TK1: variants seen among roughly 807,000 people sequenced by gnomAD.
TK1 encodes the protein thymidine kinase, cytosolic.
In TK1, 13 loss-of-function variants were observed where a neutral mutation model predicts 22.4. That is an observed-to-expected ratio of 0.58 (90% CI 0.38 to 0.92). The LOEUF (loss-of-function observed/expected upper bound fraction) is 0.92, where lower values mean the gene tolerates loss of function less well. TK1 is among the 40% of genes least tolerant of loss of function. TK1 has a pLI of 0.00. For synonymous variants in TK1, 134 were observed against 125.4 expected (o/e 1.07, Z -0.46); for missense variants, 251 against 315.7 (o/e 0.80, Z 1.55).
chr17:78,175,306 C>T, intron 5 of TK1, 137 bp from the exon 6 acceptor site: 1 of 1,306,944 alleles, frequency 7.7e-7, no homozygotes, highest in South Asian at 1.5e-5. Flanking sequence ...CCCAGAGCAC[C>T]ATGCCCGGCT....
At chr17:78,185,667 G>A (rs2075780850) in intron 2 of TK1, among the ~76,000 whole-genome samples, 1 of 152,092 alleles carries the variant, frequency 6.6e-6, no homozygotes, top group African/African-American at 2.4e-5. Flanking sequence ...TGGGATTACA[G>A]GAGGCTGCCA....
chr17:78,182,919 C>T (rs1030838255), intron 3 of TK1, among the ~76,000 whole-genome samples: 4 of 152,076 alleles, frequency 2.6e-5, no homozygotes, highest in Admixed American at 1.3e-4. Flanking sequence ...AGTGCAGTGG[C>T]GCCATCTCGG....
At chr17:78,176,726 G>A (rs1053421631) in intron 4 of TK1, among the ~76,000 whole-genome samples, 40 of 152,090 alleles carry the variant, frequency 2.6e-4, no homozygotes, top group Non-Finnish European at 1.0e-4. Context: ...CCAGGGGCGC[G>A]CCCCCTGGAG....
intron 2 of TK1, 23 bp from the exon 3 acceptor site, chr17:78,185,188 G>A: frequency 6.2e-7 from 1 of 1,601,024 alleles, no homozygotes; most frequent in Non-Finnish European, 8.6e-7. Context: ...AGAGGGTCAG[G>A]TGAGGTCCAC....
In TK1 at chr17:78,187,004, G is replaced by A. The variant is rs759916205; in HGVS notation, c.-10C>T. 1 of 1,587,062 alleles carries A rather than the reference G, an allele frequency of 6.3e-7. No individual in the cohort carries two copies. Among genetic ancestry groups the A allele is most frequent in the Non-Finnish European group, 8.6e-7 (1 of 1,167,322 alleles). On this transcript the variant is annotated 5_prime_UTR_variant, in exon 1 of 7. Transcript: ENST00000301634. ...GGTTAATGCAGCTCATTGCGCCTCC[G>A]GGAAGTTCACGAACCCGAGTACTCT...
rs2075689039 is a variant in TK1 at position 78,175,140 on chromosome 17, C to T, written c.423G>A (p.Pro141=). The change falls in exon 6 of 7, where the codon CCG becomes CCA. Residue 141 remains proline (P), a synonymous_variant. Coordinates refer to ENST00000301634, the MANE Select transcript of TK1 (RefSeq NM_003258.5). ...KPFGAILNLV[P]LAESVVKLTA... Reference sequence around the variant, plus strand: ...TCAGCTTCACCACGCTCTCGGCCAGCGGCACCAGGTTCAGGATGGCCCCAA... The same window carrying T: ...TCAGCTTCACCACGCTCTCGGCCAGTGGCACCAGGTTCAGGATGGCCCCAA... The T allele has an allele frequency of 4.3e-6, 7 of 1,613,184 alleles. No individual in the cohort carries two copies. Among genetic ancestry groups the T allele is most frequent in the East Asian group, 2.2e-5 (1 of 44,846 alleles).
intron 2 of TK1, 117 bp downstream of exon 2, chr17:78,186,670 A>AAGGGGAGGGAAGGGAAGGGG (rs2075798845): frequency 3.6e-6 from 3 of 832,590 alleles, no homozygotes; most frequent in African/African-American, 3.2e-5. Context: ...AGGGGAAGGG[A>AAGGGGAGGGAAGGGAAGGGG]AGGGGAGGGA....
chr17:78,177,660 G>A (rs1179608123), intron 4 of TK1, among the ~76,000 whole-genome samples: 3 of 150,340 alleles, frequency 2.0e-5, no homozygotes, highest in Admixed American at 6.6e-5. Context: ...TGCAAGCTCC[G>A]CCTCCTGGGT....
intron 4 of TK1, 79 bp from the exon 5 acceptor site, chr17:78,175,697 C>G (rs2075694055): frequency 2.3e-6 from 3 of 1,287,096 alleles, no homozygotes; most frequent in South Asian, 2.5e-5. Flanking sequence ...GAAGACGCTG[C>G]CAGATCTGAC....
At chr17:78,175,904 G>GT (rs988830350) in intron 4 of TK1, among the ~76,000 whole-genome samples, 4 of 152,200 alleles carry the variant, frequency 2.6e-5, no homozygotes, top group African/African-American at 7.2e-5. Flanking sequence ...CAGCTGTGCT[G>GT]TTTAACACTG....
At chr17:78,184,087 C>T (rs932563470) in intron 3 of TK1, among the ~76,000 whole-genome samples, 1 of 152,242 alleles carries the variant, frequency 6.6e-6, no homozygotes, top group Non-Finnish European at 1.5e-5. Flanking sequence ...CCACCCTGTG[C>T]CGTGGACATC....
intron 2 of TK1, among the ~76,000 whole-genome samples, chr17:78,186,432 C>T (rs1241594491): frequency 6.6e-6 from 1 of 151,852 alleles, no homozygotes; most frequent in African/African-American, 2.4e-5. Context: ...TAGGGGTGTA[C>T]AAAAAGGCCT....
chr17:78,178,683 G>A (rs988371671), intron 4 of TK1, among the ~76,000 whole-genome samples: 1 of 152,158 alleles, frequency 6.6e-6, no homozygotes, highest in East Asian at 1.9e-4. Context: ...TCTTGTTGTT[G>A]CCCAGGCTTG....
intron 4 of TK1, among the ~76,000 whole-genome samples, chr17:78,176,606 G>T (rs2075701637): frequency 6.6e-6 from 1 of 152,088 alleles, no homozygotes; most frequent in African/African-American, 2.4e-5. Flanking sequence ...GCACGCCAGG[G>T]CCCCTCCCCA....
intron 4 of TK1, chr17:78,179,651 C>T: frequency 1.0e-6 from 1 of 985,394 alleles, no homozygotes; most frequent in Non-Finnish European, 1.2e-6. Context: ...GGGGACAGGC[C>T]CTGTGACGTC....
At position 78,187,050 on chromosome 17, in the gene TK1, G is replaced by T. The variant is rs372949872; in HGVS notation, c.-56C>A. On this transcript the variant is annotated 5_prime_UTR_variant, in exon 1 of 7. Coordinates refer to ENST00000301634, the MANE Select transcript of TK1 (RefSeq NM_003258.5). ...ACTCTCCAAGGCCGTCCCGCAGTAA[G>T]CCCCTGGTTCCCGCGCCGACCGCTT... is the stretch of plus-strand genomic sequence containing the variant. 2.1e-5 allele frequency: 33 copies of T among 1,555,086 alleles called. No individual in the cohort carries two copies. Among genetic ancestry groups the T allele is most frequent in the Non-Finnish European group, 2.9e-5 (33 of 1,138,260 alleles).
chr17:78,182,937 C>T (rs536777429), intron 3 of TK1, among the ~76,000 whole-genome samples: 2 of 152,306 alleles, frequency 1.3e-5, no homozygotes, highest in African/African-American at 2.4e-5. Context: ...CGGCTCCCTG[C>T]AATCTCTACC....
chr17:78,185,034 C>T, intron 3 of TK1, 21 bp downstream of exon 3: 1 of 1,601,990 alleles, frequency 6.2e-7, no homozygotes, highest in Non-Finnish European at 8.5e-7. Context: ...CTGGACAGGA[C>T]TGCAGGGGGC....
At chr17:78,185,775 G>A (rs978497530) in intron 2 of TK1, among the ~76,000 whole-genome samples, 2 of 151,960 alleles carry the variant, frequency 1.3e-5, no homozygotes, top group Non-Finnish European at 2.9e-5. Context: ...AGTGATCAAC[G>A]CACCTCAGCC....
Sources: gnomAD v4.1 joint callset for allele counts (sites outside exome capture counted in the v4.1 genomes callset) on GRCh38, gnomAD v4.1.1 for gene constraint, MANE v1.5 for transcripts, NCBI Gene and HGNC (gene_info 2026-07-23, HGNC 2026-07-21) for gene names.